Variants in MGA observed in about 807,000 individuals in gnomAD.
The protein encoded by MGA is MAX gene-associated protein.
Under a neutral mutation model 261.1 loss-of-function variants are expected in MGA, and 40 were observed. That is an observed-to-expected ratio of 0.15 (90% CI 0.12 to 0.20). The LOEUF (loss-of-function observed/expected upper bound fraction) is 0.20, where lower values mean the gene tolerates loss of function less well. MGA is among the 10% of genes least tolerant of loss of function. The pLI is 1.00. For missense variants in MGA, 3,397 were observed against 3,630.5 expected (o/e 0.94, Z 1.65); for synonymous variants, 1,302 against 1,290.6 (o/e 1.01, Z -0.19).
chr15:41,628,642 T>TGCTG (rs1440524909), intron 1 of MGA, among the ~76,000 whole-genome samples: 4 of 150,072 alleles, frequency 2.7e-5, no homozygotes, highest in Non-Finnish European at 5.9e-5. Context: ...GTTGGGAGAG[T>TGCTG]GCTGGGGTAT....
At chr15:41,731,326 G>GT (rs2061498956) in intron 11 of MGA, among the ~76,000 whole-genome samples, 1 of 151,930 alleles carries the variant, frequency 6.6e-6, no homozygotes, top group Non-Finnish European at 1.5e-5. Flanking sequence ...ATTTATGCAT[G>GT]TATCTATGCA....
At chr15:41,740,366 G>A (rs190812764) in intron 14 of MGA, among the ~76,000 whole-genome samples, 163 bp downstream of exon 14, 81 of 152,222 alleles carry the variant, frequency 5.3e-4, no homozygotes, top group African/African-American at 1.9e-3. Flanking sequence ...TGGGGTTAAC[G>A]TCTGATAACC....
chr15:41,636,251 A>G (rs931993703), intron 1 of MGA, among the ~76,000 whole-genome samples: 1 of 150,848 alleles, frequency 6.6e-6, no homozygotes, highest in Non-Finnish European at 1.5e-5. Flanking sequence ...CAATTCTCCC[A>G]TCTCAACCTC....
chr15:41,721,965 A>T (rs2060963506), intron 9 of MGA, among the ~76,000 whole-genome samples: 1 of 152,186 alleles, frequency 6.6e-6, no homozygotes, highest in African/African-American at 2.4e-5. Flanking sequence ...CAGTAGTATG[A>T]ATATTCAGTG....
intron 11 of MGA, among the ~76,000 whole-genome samples, chr15:41,732,771 AT>A (rs2061576625): frequency 6.6e-6 from 1 of 152,198 alleles, no homozygotes. Context: ...CTATTAATAC[AT>A]TAACTACGTA....
rs756771276 is a variant in MGA, at chr15:41,696,501, T to G, written c.1491T>G (p.Asp497Glu). The G allele has an allele frequency of 2.5e-6, 4 of 1,613,908 alleles. No individual in the cohort carries two copies. The highest frequency in any genetic ancestry group is 3.4e-6 in the Non-Finnish European group (4 of 1,179,906). The change falls in exon 3 of 24, where the codon GAT (aspartate) becomes GAG (glutamate). Residue 497 changes from aspartate to glutamate, a missense_variant. This residue lies in a region of MGA where 563 missense variants were observed against 563.6 expected (regional missense o/e 1.00). Transcript: ENST00000219905. The stretch of plus-strand genomic sequence containing the variant: ...ACATGCTTTCCACATCTCGAAAGGA[T>G]AAATCTTCTATGTTGGCAGAATTGG...
intron 1 of MGA, among the ~76,000 whole-genome samples, chr15:41,631,525 TAAAAA>T (rs2056588083): frequency 6.6e-6 from 1 of 152,030 alleles, no homozygotes; most frequent in Non-Finnish European, 1.5e-5. Flanking sequence ...AAATGAAAAA[TAAAAA>T]ATAAAATACA....
At chr15:41,746,544 C>CAA (rs869061461) in intron 15 of MGA, among the ~76,000 whole-genome samples, 5,561 of 59,080 alleles carry the variant, frequency 0.094, 313 homozygotes, top group African/African-American at 0.11. Flanking sequence ...GACTTCGTCT[C>CAA]AAAAAAAAAA....
intron 5 of MGA, among the ~76,000 whole-genome samples, chr15:41,706,633 C>T (rs993729079): frequency 5.0e-5 from 7 of 140,716 alleles, no homozygotes; most frequent in East Asian, 2.1e-4. Flanking sequence ...CAGGCTGGAG[C>T]GCAGTGGCAT....
At position 41,766,498 on chromosome 15, in the gene MGA, T is replaced by G; in HGVS notation, c.8416T>G (p.Ser2806Ala). Residue 2806 changes from serine (S) to alanine (A), a missense_variant, in exon 24 of 24, where the codon TCC (serine) becomes GCC (alanine). By Grantham distance (99) the Ser-to-Ala change is moderately conservative (BLOSUM62 1). This residue lies in a region of MGA where 647 missense variants were observed against 642.4 expected (regional missense o/e 1.01). Transcript: ENST00000219905. ...AGCTATAGAGGAAGCAGCTCTTGAT[T>G]CCAGTGAACTGCTGACTAACATGGA... 1.3e-5 allele frequency: 21 copies of G among 1,613,978 alleles called. No homozygotes were observed. The highest frequency in any genetic ancestry group is 1.7e-5 in the Non-Finnish European group (20 of 1,179,892).
At chr15:41,701,344 A>G (rs2059843399) in intron 5 of MGA, among the ~76,000 whole-genome samples, 1 of 152,150 alleles carries the variant, frequency 6.6e-6, no homozygotes, top group African/African-American at 2.4e-5. Context: ...TCTTAGTTCT[A>G]GAGTTAAATA....
chr15:41,748,960 G>C, intron 16 of MGA, 33 bp downstream of exon 16: 1 of 1,602,040 alleles, frequency 6.2e-7, no homozygotes, highest in Non-Finnish European at 8.5e-7. Context: ...CTTTTCTTTT[G>C]TTGAATCACT....
intron 14 of MGA, among the ~76,000 whole-genome samples, 185 bp downstream of exon 14, chr15:41,740,388 A>T (rs1440950958): frequency 6.6e-6 from 1 of 152,076 alleles, no homozygotes; most frequent in Non-Finnish European, 1.5e-5. Context: ...GCAATATTAG[A>T]TGAATTGAGT....
chr15:41,734,266 C>T (rs1034536435), intron 11 of MGA, among the ~76,000 whole-genome samples: 1 of 151,536 alleles, frequency 6.6e-6, no homozygotes, highest in African/African-American at 2.4e-5. Flanking sequence ...AAATATGTTT[C>T]CCTCTTTAAA....
intron 1 of MGA, among the ~76,000 whole-genome samples, chr15:41,661,036 G>A (rs1208304394): frequency 2.6e-5 from 4 of 152,252 alleles, no homozygotes; most frequent in Non-Finnish European, 4.4e-5. Context: ...TTTGACACCT[G>A]TGCAAACGTC....
chr15:41,628,043 G>A (rs530886791), intron 1 of MGA, among the ~76,000 whole-genome samples: 2 of 152,230 alleles, frequency 1.3e-5, no homozygotes, highest in Non-Finnish European at 2.9e-5. Flanking sequence ...ATGCCCTCAT[G>A]GAAATTATAT....
intron 2 of MGA, among the ~76,000 whole-genome samples, chr15:41,686,822 A>G (rs1277814945): frequency 6.6e-6 from 1 of 152,100 alleles, no homozygotes; most frequent in South Asian, 2.1e-4. Flanking sequence ...CTTGGGCTAA[A>G]CATTACCTGG....
rs2061796579 is a variant in MGA at position 41,736,710 on chromosome 15, C to T, written c.4434+12C>T. 1 of 1,583,576 alleles carries T rather than the reference C, an allele frequency of 6.3e-7. No individual in the cohort carries two copies. On this transcript the variant is annotated intron_variant, in intron 13 of 23. Coordinates refer to ENST00000219905, the MANE Select transcript of MGA (RefSeq NM_001164273.2). ...CTGGGCTTATCCAGGTGAGAATTAT[C>T]TTTAATCTGGGTATAGCACCTTTGT...
intron 2 of MGA, chr15:41,691,504 C>T (rs2059283877): frequency 3.1e-6 from 1 of 321,854 alleles, no homozygotes; most frequent in Admixed American, 3.3e-5. Context: ...TTTTCCTCTA[C>T]AATCTGGATG....
Sources: gnomAD v4.1 joint callset for allele counts (sites outside exome capture counted in the v4.1 genomes callset) on GRCh38, gnomAD v4.1.1 for gene constraint, gnomAD v4.1.1 regional missense constraint, MANE v1.5 for transcripts, NCBI Gene and HGNC (gene_info 2026-07-23, HGNC 2026-07-21) for gene names.